PRPSAP2: variants seen among roughly 807,000 people sequenced by gnomAD.
PRPSAP2 encodes phosphoribosyl pyrophosphate synthetase associated protein 2, also known as phosphoribosyl pyrophosphate synthase-associated protein 2.
PRPSAP2 carries 24 observed loss-of-function variants against 40.6 expected under a neutral mutation model. That is an observed-to-expected ratio of 0.59 (90% confidence interval 0.43 to 0.83). The LOEUF (loss-of-function observed/expected upper bound fraction) is 0.83. Ranked by LOEUF, PRPSAP2 falls within the 40% of genes least tolerant of loss-of-function variation. The pLI, the probability that PRPSAP2 is intolerant of heterozygous loss-of-function variation, is 0.00. For missense variants in PRPSAP2, 292 were observed against 465.6 expected, an observed-to-expected ratio of 0.63 and a Z score of 3.43; for synonymous variants, 149 against 164.7, an observed-to-expected ratio of 0.90 and a Z score of 0.73.
intron 7 of PRPSAP2, among the ~76,000 whole-genome samples, chr17:18,889,248 G>T (rs1056729118): frequency 3.9e-5 from 6 of 152,156 alleles, no homozygotes; most frequent in African/African-American, 1.4e-4. Flanking sequence ...TTGTTGTATG[G>T]TAGGCATTGT....
chr17:18,875,853 CAAA>C (rs35855183), intron 5 of PRPSAP2, among the ~76,000 whole-genome samples: 28 of 107,686 alleles, frequency 2.6e-4, no homozygotes, highest in Non-Finnish European at 3.4e-4. Context: ...GACTCTGTCT[CAAA>C]AAAAAAAAAA....
chr17:18,895,312 T>G (rs1164156704), intron 8 of PRPSAP2, among the ~76,000 whole-genome samples: 5 of 151,954 alleles, frequency 3.3e-5, no homozygotes, highest in Non-Finnish European at 7.4e-5. Flanking sequence ...TTGCCTAGGC[T>G]GGTCTCTAAC....
chr17:18,930,057 T>G (rs1164357054), intron 11 of PRPSAP2, among the ~76,000 whole-genome samples: 2 of 152,078 alleles, frequency 1.3e-5, no homozygotes, highest in Non-Finnish European at 2.9e-5. Context: ...TCCTAGTGGG[T>G]GTGAGGTTAT....
rs2040943589 is a variant in PRPSAP2, at chr17:18,911,285, C to CT, written c.733+35dup. On this transcript the variant is annotated intron_variant, in intron 9 of 11. Transcript: ENST00000268835. This position sits in a 1 kb window ranked among gnomAD's most constrained non-coding sequence, Gnocchi z 4.5. ...GCTGCTGCCTCTTTCCCACTTTCCT[C>CT]TGATTTTAAGGCTGACTACACTGTT... is the stretch of plus-strand genomic sequence containing the variant. 1 of 1,577,002 alleles carries CT rather than the reference C, an allele frequency of 6.3e-7. No homozygotes were observed. The highest frequency in any genetic ancestry group is 1.8e-5 in the Admixed American group (1 of 56,526).
intron 1 of PRPSAP2, among the ~76,000 whole-genome samples, chr17:18,864,451 G>A (rs1036203929): frequency 1.3e-5 from 2 of 151,740 alleles, no homozygotes; most frequent in Non-Finnish European, 2.9e-5. Context: ...CCACCACCAC[G>A]CCCAGCTCAT....
chr17:18,909,451 A>G (rs1481176793), intron 8 of PRPSAP2, among the ~76,000 whole-genome samples: 2 of 151,878 alleles, frequency 1.3e-5, no homozygotes, highest in East Asian at 2.0e-4. Flanking sequence ...TCACCGTGTT[A>G]GCCAGGATGG....
chr17:18,922,931 G>A (rs1016991275), intron 9 of PRPSAP2, among the ~76,000 whole-genome samples: 12 of 151,068 alleles, frequency 7.9e-5, no homozygotes, highest in African/African-American at 2.9e-4. Flanking sequence ...TGTCCACCTC[G>A]GCCTCCCAAA....
At chr17:18,865,987 A>C (rs777506898) in intron 3 of PRPSAP2, 35 bp downstream of exon 3, 1 of 1,326,818 alleles carries the variant, frequency 7.5e-7, no homozygotes, top group Non-Finnish European at 9.9e-7. Context: ...ATCTATATTC[A>C]TTATGTGATG....
chr17:18,871,662 T>C (rs1484361894), intron 4 of PRPSAP2, among the ~76,000 whole-genome samples: 2 of 32,446 alleles, frequency 6.2e-5, no homozygotes, highest in Non-Finnish European at 1.5e-4. Flanking sequence ...TCTTTTTTTT[T>C]TTTTTTTTTT....
chr17:18,913,254 C>G lies in PRPSAP2; in HGVS notation c.733+2003C>G, dbSNP rs563068054. On this transcript the variant is annotated intron_variant, in intron 9 of 11. Coordinates refer to ENST00000268835, the MANE Select transcript of PRPSAP2 (RefSeq NM_002767.4). ...TGAAGTCTGGGTAGAGGTAGATGTG[C>G]CCCCACAGCTCATTCACTCTGTGCA... Among the ~76,000 whole-genome samples, 6 of 152,278 alleles carry G rather than the reference C, an allele frequency of 3.9e-5. 1 individual carries two copies. In the East Asian group the frequency reaches 1.2e-3, roughly 29 times the overall value.
intron 9 of PRPSAP2, among the ~76,000 whole-genome samples, chr17:18,912,610 G>C (rs147474502): frequency 6.6e-6 from 1 of 152,246 alleles, no homozygotes; most frequent in East Asian, 1.9e-4. Context: ...TCAAATATGG[G>C]TAAGACTCCA....
chr17:18,873,278 C>CGGCTT (rs61078478), intron 5 of PRPSAP2, among the ~76,000 whole-genome samples: 6 of 150,314 alleles, frequency 4.0e-5, no homozygotes, highest in Non-Finnish European at 8.9e-5. Context: ...ACCGCAACCT[C>CGGCTT]AGCTTACCGC....
At chr17:18,918,896 A>G (rs577381745) in intron 9 of PRPSAP2, among the ~76,000 whole-genome samples, 2 of 152,318 alleles carry the variant, frequency 1.3e-5, no homozygotes, top group South Asian at 4.1e-4. Flanking sequence ...GATATGTTGA[A>G]TCAAATCAAA....
At chr17:18,897,852 C>T (rs949346534) in intron 8 of PRPSAP2, among the ~76,000 whole-genome samples, 3 of 152,022 alleles carry the variant, frequency 2.0e-5, no homozygotes, top group African/African-American at 7.2e-5. Context: ...TTACAATATA[C>T]TGATGTCATT....
chr17:18,907,470 CTT>C (rs1362343859), intron 8 of PRPSAP2, among the ~76,000 whole-genome samples: 2 of 152,152 alleles, frequency 1.3e-5, no homozygotes, highest in African/African-American at 4.8e-5. Context: ...TTATTCTTCT[CTT>C]AGTAATTGAT....
At chr17:18,908,084 C>T (rs1393879629) in intron 8 of PRPSAP2, among the ~76,000 whole-genome samples, 3 of 152,018 alleles carry the variant, frequency 2.0e-5, no homozygotes, top group Non-Finnish European at 2.9e-5. Context: ...TGCAGTGAGC[C>T]GAGATCATGT....
chr17:18,911,858 C>A lies in PRPSAP2; in HGVS notation c.733+607C>A, dbSNP rs1484032484. ...AATTTATTGCTCACAGTTCTAGAGG[C>A]TGTGAAGGTCAAGATAAAGGCGCCA... is the stretch of plus-strand genomic sequence containing the variant. On this transcript the variant is annotated intron_variant, in intron 9 of 11. Coordinates refer to ENST00000268835, the MANE Select transcript of PRPSAP2 (RefSeq NM_002767.4). The surrounding 1 kb of genome is among the most constrained non-coding windows in gnomAD (Gnocchi z 4.5). 6.6e-6 allele frequency among the ~76,000 whole-genome samples: 1 copy of A among 152,238 alleles called. No individual in the cohort carries two copies.
At chr17:18,881,823 G>A (rs1472516340) in intron 6 of PRPSAP2, among the ~76,000 whole-genome samples, 1 of 150,246 alleles carries the variant, frequency 6.7e-6, no homozygotes, top group Non-Finnish European at 1.5e-5. Context: ...GTGAGCCACT[G>A]TGCCCGGCCA....
intron 10 of PRPSAP2, among the ~76,000 whole-genome samples, chr17:18,927,693 G>A (rs11653609): frequency 0.082 from 12,522 of 152,268 alleles, 592 homozygotes; most frequent in Middle Eastern, 0.14. Flanking sequence ...GGTAGTTGCA[G>A]ATATACTCTT....
Sources: allele counts gnomAD v4.1 joint callset (sites outside exome capture counted in the v4.1 genomes callset), GRCh38; gene constraint gnomAD v4.1.1; non-coding constraint Gnocchi (gnomAD v3.1); transcripts MANE v1.5; gene names NCBI Gene and HGNC (gene_info 2026-07-23, HGNC 2026-07-21).